The following ILDR1 variants were observed in gnomAD, a reference collection of about 807,000 sequenced individuals.
The protein encoded by ILDR1 is immunoglobulin-like domain-containing receptor 1.
In ILDR1, 56 loss-of-function variants were observed where a neutral mutation model predicts 62.4. That is an observed-to-expected ratio of 0.90 (90% CI 0.72 to 1.12). The LOEUF (loss-of-function observed/expected upper bound fraction) is 1.12, where lower values mean the gene tolerates loss of function less well. ILDR1 is among the 50% of genes most tolerant of loss of function. ILDR1 has a pLI of 0.00. For missense variants in ILDR1, 736 were observed against 710.6 expected (o/e 1.04, Z -0.41); for synonymous variants, 284 against 277.8 (o/e 1.02, Z -0.22).
chr3:122,023,651 G>C (rs779885710), upstream of ILDR1, among the ~76,000 whole-genome samples: 3 of 152,054 alleles, frequency 2.0e-5, no homozygotes, highest in East Asian at 5.8e-4. Context: ...CCTTCTTCCG[G>C]TTCCCTCCTG....
chr3:121,994,079 T>C, intron 6 of ILDR1, 103 bp downstream of exon 6: 2 of 1,499,210 alleles, frequency 1.3e-6, no homozygotes, highest in Non-Finnish European at 1.8e-6. Flanking sequence ...CCCATCTCCA[T>C]CATGAAGATG....
At chr3:122,054,757 CTA>C in the ILDR1 span, among the ~76,000 whole-genome samples, 1 of 152,014 alleles carries the variant, frequency 6.6e-6, no homozygotes, top group Non-Finnish European at 1.5e-5. Context: ...TTGATTAATT[CTA>C]TGTTTGTCTC....
the ILDR1 span, among the ~76,000 whole-genome samples, chr3:122,042,133 T>C: frequency 9.7e-6 from 1 of 103,110 alleles, no homozygotes; most frequent in Admixed American, 1.1e-4. Flanking sequence ...GATCTCATTG[T>C]TCAATTCCCA....
chr3:122,040,593 A>G, the ILDR1 span, among the ~76,000 whole-genome samples: 9 of 152,132 alleles, frequency 5.9e-5, no homozygotes, highest in Middle Eastern at 3.4e-3. Flanking sequence ...TAGATTATAG[A>G]TCAATAGAGA....
rs77724561 is a variant in ILDR1 at position 121,990,602 on chromosome 3, T to C, written c.1600-2194A>G. On this transcript the variant is annotated intron_variant, in intron 7 of 7. Transcript: ENST00000344209. ...AAATGATAATCTCTTTCTCTCTTCC[T>C]TTTTTTTCTGAGTCAAGGTCGCATT... is the stretch of plus-strand genomic sequence containing the variant. Among the ~76,000 whole-genome samples, 606 of 152,176 alleles carry C rather than the reference T, an allele frequency of 4.0e-3. 2 individuals carry two copies. Among genetic ancestry groups the C allele is most frequent in the African/African-American group, 0.014 (576 of 41,504 alleles).
chr3:122,051,653 C>T, the ILDR1 span, among the ~76,000 whole-genome samples: 1 of 151,996 alleles, frequency 6.6e-6, no homozygotes, highest in Non-Finnish European at 1.5e-5. Context: ...TTTGACTTGA[C>T]CATTTCCCGT....
In ILDR1 at chr3:121,993,773, C is replaced by T; in HGVS notation, c.976G>A (p.Glu326Lys). 1 of 1,614,136 alleles carries T rather than the reference C, an allele frequency of 6.2e-7. No homozygotes were observed. The change falls in exon 7 of 8, where the codon GAA becomes AAA. Residue 326 changes from glutamate to lysine, a missense_variant. Glu to Lys is a moderately conservative substitution (Grantham distance 56, BLOSUM62 1). Transcript: ENST00000344209. ...MLSSLGSEVVERRIIHLPPLI... is the reference protein window; with the variant it reads ...MLSSLGSEVVKRRIIHLPPLI... ...GGGGGCAGGTGGATGATTCTGCGTTCCACGACCTCAGAGCCCAGGGAGGAC... is the reference window on the plus strand; with the variant it reads ...GGGGGCAGGTGGATGATTCTGCGTTTCACGACCTCAGAGCCCAGGGAGGAC...
At chr3:122,039,568 AAGACTTTTTC>A in the ILDR1 span, among the ~76,000 whole-genome samples, 5 of 152,150 alleles carry the variant, frequency 3.3e-5, no homozygotes, top group African/African-American at 1.2e-4. Flanking sequence ...TGGAGAAATA[AAGACTTTTTC>A]AGACAAATAC....
At chr3:122,050,084 C>G in the ILDR1 span, among the ~76,000 whole-genome samples, 1 of 152,302 alleles carries the variant, frequency 6.6e-6, no homozygotes, top group Admixed American at 6.5e-5. Context: ...TATGGCTACT[C>G]CTGCCCTCTT....
At chr3:122,054,692 TA>T in the ILDR1 span, among the ~76,000 whole-genome samples, 1 of 152,232 alleles carries the variant, frequency 6.6e-6, no homozygotes, top group African/African-American at 2.4e-5. Flanking sequence ...TTTGAGTTTC[TA>T]GATGATGCCC....
At chr3:122,047,385 C>A in the ILDR1 span, among the ~76,000 whole-genome samples, 1 of 152,246 alleles carries the variant, frequency 6.6e-6, no homozygotes, top group Non-Finnish European at 1.5e-5. Flanking sequence ...TGTGCCCTGC[C>A]CCCAGAGGTG....
Position 121,993,777 on chromosome 3 carries a change from G to T in ILDR1, c.972C>A (p.Val324=), listed in dbSNP as rs138334785. The T allele has an allele frequency of 6.2e-7, 1 of 1,614,112 alleles. No homozygotes were observed. Among genetic ancestry groups the T allele is most frequent in the South Asian group, 1.1e-5 (1 of 91,076 alleles). Reference sequence around the variant, plus strand: ...GCAGGTGGATGATTCTGCGTTCCACGACCTCAGAGCCCAGGGAGGACAGCA... The same window carrying T: ...GCAGGTGGATGATTCTGCGTTCCACTACCTCAGAGCCCAGGGAGGACAGCA... The part of the protein sequence containing the change: ...CSMLSSLGSE[V]VERRIIHLPP... Residue 324 remains valine (V), a synonymous_variant, in exon 7 of 8, where the codon GTC becomes GTA. Transcript: ENST00000344209.
intron 1 of ILDR1, among the ~76,000 whole-genome samples, chr3:122,010,831 G>A (rs898514474): frequency 2.6e-5 from 4 of 152,152 alleles, no homozygotes; most frequent in South Asian, 2.1e-4. Context: ...AAAATCTTAG[G>A]TTCAACAGCA....
Position 121,988,427 on chromosome 3 carries a change from C to A in ILDR1, c.1600-19G>T, listed in dbSNP as rs1341197575. The A allele has an allele frequency of 1.5e-5, 24 of 1,608,602 alleles. No individual in the cohort carries two copies. In the South Asian group the frequency reaches 1.5e-4, roughly 10 times the overall value. ...CTTTCTCCTGGGAAATAGAAGAATA[C>A]ACACACAAAAAAAATCCAGTCAGTG... On this transcript the variant is annotated intron_variant, in intron 7 of 7. Transcript: ENST00000344209.
At chr3:121,993,087 C>A in intron 7 of ILDR1, 63 bp downstream of exon 7, 2 of 1,334,998 alleles carry the variant, frequency 1.5e-6, no homozygotes, top group South Asian at 2.5e-5. Flanking sequence ...TGGCTGTGGT[C>A]ATGCCTGGCT....
intron 1 of ILDR1, among the ~76,000 whole-genome samples, chr3:122,008,463 T>C (rs975250629): frequency 1.3e-5 from 2 of 152,204 alleles, no homozygotes; most frequent in Non-Finnish European, 2.9e-5. Context: ...AACTTGAGTA[T>C]GCATCACCAG....
chr3:121,988,799 T>A (rs2071293552), intron 7 of ILDR1, among the ~76,000 whole-genome samples: 1 of 152,264 alleles, frequency 6.6e-6, no homozygotes, highest in East Asian at 1.9e-4. Context: ...TTTTCCTTTT[T>A]ATAATCTCCT....
chr3:122,013,974 G>A (rs1252331396), intron 1 of ILDR1, among the ~76,000 whole-genome samples: 3 of 152,188 alleles, frequency 2.0e-5, no homozygotes, highest in Non-Finnish European at 4.4e-5. Context: ...CAATTTCATT[G>A]ATGAGGAAAA....
the ILDR1 span, among the ~76,000 whole-genome samples, chr3:122,053,230 A>G: frequency 6.6e-6 from 1 of 152,086 alleles, no homozygotes; most frequent in African/African-American, 2.4e-5. Context: ...GCACATTTTC[A>G]TGTGATATTG....
Sources: gnomAD v4.1 joint callset for allele counts (sites outside exome capture counted in the v4.1 genomes callset) on GRCh38, gnomAD v4.1.1 for gene constraint, MANE v1.5 for transcripts, NCBI Gene and HGNC (gene_info 2026-07-23, HGNC 2026-07-21) for gene names.